Variants in PLCD1 observed in about 807,000 individuals in gnomAD.
PLCD1 encodes the protein 1-phosphatidylinositol 4,5-bisphosphate phosphodiesterase delta-1.
In PLCD1, 71 loss-of-function variants were observed where a neutral mutation model predicts 87.4. The ratio of observed to expected loss-of-function variants is 0.81; its 90% confidence interval spans 0.67 to 0.99. The LOEUF is 0.99. Among genes scored for constraint, PLCD1 ranks in the 50% least tolerant of loss-of-function variants. The pLI is 0.00. For missense variants in PLCD1, 867 were observed against 1,001.5 expected, an observed-to-expected ratio of 0.87 and a Z score of 1.81; for synonymous variants, 348 against 399.2, an observed-to-expected ratio of 0.87 and a Z score of 1.53.
chr3:38,024,192 G>A (rs1700274135), intron 1 of PLCD1: 1 of 704,526 alleles, frequency 1.4e-6, no homozygotes, highest in Non-Finnish European at 2.4e-6. Flanking sequence ...GCCCCACAGT[G>A]GGCCACACAC....
chr3:38,013,313 C>G (rs1354806742), intron 3 of PLCD1, among the ~76,000 whole-genome samples: 2 of 151,434 alleles, frequency 1.3e-5, no homozygotes, highest in Admixed American at 1.3e-4. Context: ...CCCGGGATCA[C>G]GCCATTCTCC....
chr3:38,008,449 C>G lies in PLCD1; in HGVS notation c.1902+9G>C, dbSNP rs775801960. ...CCGTGGGCACCTGTCCCTCCTAGGT[C>G]CAGCGTACCCTGATGTTGAGCCGCT... On this transcript the variant is annotated intron_variant, in intron 12 of 14. Coordinates refer to ENST00000334661, the MANE Select transcript of PLCD1 (RefSeq NM_006225.4). The G allele has an allele frequency of 1.1e-5, 18 of 1,614,038 alleles. No individual in the cohort carries two copies. The highest frequency in any genetic ancestry group is 1.4e-5 in the Non-Finnish European group (17 of 1,180,012).
rs2125544760 is a variant in PLCD1, at chr3:38,011,322, G to C, written c.682C>G (p.Leu228Val). The C allele has an allele frequency of 6.2e-7, 1 of 1,612,292 alleles. No individual in the cohort carries two copies. The highest frequency in any genetic ancestry group is 8.5e-7 in the Non-Finnish European group (1 of 1,180,004). Reference protein sequence around the residue: ...FAEAAGSGETLSVDQLVTFLQ... With the variant: ...FAEAAGSGETVSVDQLVTFLQ... ...AACGTCACTAACTGATCCACCGACA[G>C]AGTCTCCCCTGAGCCCGCGGCCTCG... The change falls in exon 5 of 15, where the codon CTG becomes GTG. Residue 228 changes from leucine (L) to valine (V), a missense_variant. By Grantham distance (32) the Leu-to-Val change is conservative. Coordinates refer to ENST00000334661, the MANE Select transcript of PLCD1 (RefSeq NM_006225.4).
intron 9 of PLCD1, 28 bp from the exon 10 acceptor site, chr3:38,009,459 G>GAT: frequency 6.2e-7 from 1 of 1,613,472 alleles, no homozygotes; most frequent in Non-Finnish European, 8.5e-7. Flanking sequence ...GCCCGGGTTA[G>GAT]ATTCAGTGGT....
rs1216005852 is a variant in PLCD1 at position 38,007,615 on chromosome 3, G to A, written c.*158C>T. 9 of 710,082 alleles carry A rather than the reference G, an allele frequency of 1.3e-5. No homozygotes were observed. The Admixed American group carries it at 1.8e-4, about 14-fold the overall frequency. 44.0% of individuals were successfully genotyped at this position (710,082 alleles called of 1,614,324 possible). ...GCTCCAGGGACTGGGCTAGCTCCTGGTCCCCAGGGAGGCAGCAGCAGACAC... is the reference window on the plus strand; with the variant it reads ...GCTCCAGGGACTGGGCTAGCTCCTGATCCCCAGGGAGGCAGCAGCAGACAC... On this transcript the variant is annotated 3_prime_UTR_variant, in exon 15 of 15. Coordinates refer to ENST00000334661, the MANE Select transcript of PLCD1 (RefSeq NM_006225.4).
intron 1 of PLCD1, among the ~76,000 whole-genome samples, 196 bp from the exon 2 acceptor site, chr3:38,020,548 C>A (rs543639702): frequency 2.0e-5 from 3 of 152,268 alleles, no homozygotes; most frequent in African/African-American, 7.2e-5. Flanking sequence ...GGAAGTCATC[C>A]CTGATTGCCA....
chr3:38,020,935 G>A (rs1329776908), intron 1 of PLCD1, among the ~76,000 whole-genome samples: 3 of 152,168 alleles, frequency 2.0e-5, no homozygotes, highest in African/African-American at 7.2e-5. Flanking sequence ...TGTGTGACCT[G>A]GGCAAGGGAC....
Position 38,008,319 on chromosome 3 carries a change from T to C in PLCD1, c.1951A>G (p.Ile651Val), listed in dbSNP as rs770633023. The change falls in exon 13 of 15, where the codon ATT becomes GTT. Residue 651 changes from isoleucine to valine, a missense_variant. Coordinates refer to ENST00000334661, the MANE Select transcript of PLCD1 (RefSeq NM_006225.4). The part of the protein sequence containing the change: ...LPKVNKNKNS[I>V]VDPKVTVEIH... ...TCCACTGTCACTTTGGGGTCCACAA[T>C]TGAATTCTTATTCTTGTTGACTTTT... is the stretch of plus-strand genomic sequence containing the variant. 1.5e-5 allele frequency: 25 copies of C among 1,614,250 alleles called. No individual in the cohort carries two copies. The Admixed American group carries it at 1.8e-4, about 12-fold the overall frequency.
chr3:38,008,235 C>A lies in PLCD1; in HGVS notation c.2035G>T (p.Gly679Cys). Residue 679 changes from glycine to cysteine, a missense_variant and splice_region_variant, in exon 13 of 15, where the codon GGT becomes TGT. Transcript: ENST00000334661. Reference protein sequence around the residue: ...SRQTAVITNNGFNPWWDTEFA... With the variant: ...SRQTAVITNNCFNPWWDTEFA... ...AGCCCAGCCCAGGCCCAGCACCTACCATTGTTGGTGATGACAGCAGTCTGG... is the reference window on the plus strand; with the variant it reads ...AGCCCAGCCCAGGCCCAGCACCTACAATTGTTGGTGATGACAGCAGTCTGG... 1.9e-6 allele frequency: 3 copies of A among 1,614,098 alleles called. No individual in the cohort carries two copies. Among genetic ancestry groups the A allele is most frequent in the Non-Finnish European group, 2.5e-6 (3 of 1,180,036 alleles).
chr3:38,017,746 G>A lies in PLCD1; in HGVS notation c.200-1027C>T, dbSNP rs1366611459. Among the ~76,000 whole-genome samples, 2 of 152,174 alleles carry A rather than the reference G, an allele frequency of 1.3e-5. No individual in the cohort carries two copies. The highest frequency in any genetic ancestry group is 2.9e-5 in the Non-Finnish European group (2 of 68,014). Reference sequence around the variant, plus strand: ...CTGAAGTCCACCTGTCCCTCCCTGTGCCCACCCACTCTGAGTGCCCAGGGG... The same window carrying A: ...CTGAAGTCCACCTGTCCCTCCCTGTACCCACCCACTCTGAGTGCCCAGGGG... On this transcript the variant is annotated intron_variant, in intron 2 of 14. Transcript: ENST00000334661. The surrounding 1 kb of genome is among the most constrained non-coding windows in gnomAD (Gnocchi z 4.7).
At chr3:38,015,795 G>A (rs1308567170) in intron 3 of PLCD1, among the ~76,000 whole-genome samples, 2 of 152,226 alleles carry the variant, frequency 1.3e-5, no homozygotes, top group African/African-American at 4.8e-5. Flanking sequence ...GAATGGCACA[G>A]GAGGGTACCA....
chr3:38,021,593 A>G (rs1700234742), intron 1 of PLCD1, among the ~76,000 whole-genome samples: 1 of 152,152 alleles, frequency 6.6e-6, no homozygotes, highest in South Asian at 2.1e-4. Context: ...ATACAGAAAC[A>G]TCTATAAGGG....
intron 1 of PLCD1, among the ~76,000 whole-genome samples, chr3:38,023,396 A>T (rs1379450449): frequency 6.6e-6 from 1 of 152,230 alleles, no homozygotes; most frequent in East Asian, 1.9e-4. Flanking sequence ...CATCATGATG[A>T]TGATGATAGA....
chr3:38,009,982 C>T lies in PLCD1; in HGVS notation c.1209G>A (p.Arg403=), dbSNP rs1223462270. 2 of 1,613,992 alleles carry T rather than the reference C, an allele frequency of 1.2e-6. No homozygotes were observed. Among genetic ancestry groups the T allele is most frequent in the South Asian group, 1.1e-5 (1 of 91,080 alleles). Residue 403 remains arginine, a synonymous_variant, in exon 8 of 15, where the codon CGG becomes CGA. Coordinates refer to ENST00000334661, the MANE Select transcript of PLCD1 (RefSeq NM_006225.4). ...CTLEQQRVMA[R]HLHAILGPML... ...TGGGGCCCAGGATGGCATGCAGGTG[C>T]CGCGCCATCACGCGCTGCTGCTCCA...
intron 1 of PLCD1, among the ~76,000 whole-genome samples, chr3:38,022,354 AC>A (rs1700247766): frequency 1.3e-5 from 2 of 152,068 alleles, no homozygotes; most frequent in African/African-American, 4.8e-5. Context: ...GGACAGGGCC[AC>A]CTCCGGCCTC....
In PLCD1 at chr3:38,022,390, C is replaced by G. The variant is rs113423671; in HGVS notation, c.35-2038G>C. ...CCGGCGGGGAATTCCACTATCCCTT[C>G]TAAGGCTGATGTCCCTCTAAAGCTG... On this transcript the variant is annotated intron_variant, in intron 1 of 14. Coordinates refer to ENST00000334661, the MANE Select transcript of PLCD1 (RefSeq NM_006225.4). Among the ~76,000 whole-genome samples, 3 of 152,238 alleles carry G rather than the reference C, an allele frequency of 2.0e-5. No individual in the cohort carries two copies. The South Asian group carries it at 6.2e-4, about 31-fold the overall frequency.
intron 7 of PLCD1, 32 bp downstream of exon 7, chr3:38,010,099 T>A: frequency 6.2e-7 from 1 of 1,614,016 alleles, no homozygotes; most frequent in Non-Finnish European, 8.5e-7. Flanking sequence ...ACCCCTAGCA[T>A]CCCACTCCTC....
At position 38,009,256 on chromosome 3, in the gene PLCD1, G is replaced by C. The variant is rs200665366; in HGVS notation, c.1606+16C>G. On this transcript the variant is annotated intron_variant, in intron 10 of 14. Transcript: ENST00000334661. The stretch of plus-strand genomic sequence containing the variant: ...TCTGTAACAGAGCAGGGGAGTGGTG[G>C]GGAGCCAGGCCTCACCTGATTCTTG... 173 of 1,613,968 alleles carry C rather than the reference G, an allele frequency of 1.1e-4. No individual in the cohort carries two copies. Among genetic ancestry groups the C allele is most frequent in the Non-Finnish European group, 1.4e-4 (167 of 1,179,972 alleles).
rs762886954 is a variant in PLCD1, at chr3:38,008,471, C to T, written c.1889G>A (p.Arg630Gln). 9.3e-6 allele frequency: 15 copies of T among 1,614,090 alleles called. No homozygotes were observed. The highest frequency in any genetic ancestry group is 4.0e-5 in the African/African-American group (3 of 74,944). Reference protein sequence around the residue: ...LAQGPWWARKRLNIRVISGQQ... With the variant: ...LAQGPWWARKQLNIRVISGQQ... ...GGTCCAGCGTACCCTGATGTTGAGC[C>T]GCTTCCGTGCCCACCAGGGCCCCTG... Residue 630 changes from arginine (R) to glutamine (Q), a missense_variant, in exon 12 of 15, where the codon CGG becomes CAG. Transcript: ENST00000334661.
Sources: gnomAD v4.1 joint callset for allele counts (sites outside exome capture counted in the v4.1 genomes callset) on GRCh38, gnomAD v4.1.1 for gene constraint, Gnocchi (gnomAD v3.1) non-coding constraint, MANE v1.5 for transcripts, NCBI Gene and HGNC (gene_info 2026-07-23, HGNC 2026-07-21) for gene names.